The following ARID1B variants were observed in gnomAD, a reference collection of about 807,000 sequenced individuals.
ARID1B encodes AT-rich interaction domain 1B.
In ARID1B, 30 loss-of-function variants were observed where a neutral mutation model predicts 212.3. That is an observed-to-expected ratio of 0.14 (90% CI 0.11 to 0.19). The LOEUF is 0.19. Ranked by LOEUF, ARID1B falls within the 10% of genes least tolerant of loss-of-function variation. The pLI is 1.00. For synonymous variants in ARID1B, 1,402 were observed against 1,301.7 expected (o/e 1.08, Z -1.66); for missense variants, 2,891 against 3,204.0 (o/e 0.90, Z 2.36).
rs746412839 is a variant in ARID1B, at chr6:157,200,726, G to A, written c.4501G>A (p.Gly1501Ser). The A allele has an allele frequency of 5.6e-6, 9 of 1,610,660 alleles. No homozygotes were observed. Among genetic ancestry groups the A allele is most frequent in the South Asian group, 2.2e-5 (2 of 90,708 alleles). ...QQPNYKRHMD[G>S]MYGPPAKRHE... is the part of the protein sequence containing the mutation. ...CCAGAATTACAAACGCCATATGGAC[G>A]GCATGTACGGGCCCCCAGCCAAGCG... The change falls in exon 18 of 20, where the codon GGC (glycine) becomes AGC (serine). Residue 1501 changes from glycine to serine, a missense_variant. Transcript: ENST00000636930. This position sits in a 1 kb window ranked among gnomAD's most constrained non-coding sequence, Gnocchi z 4.3.
At chr6:156,855,653 C>G (rs1267362254) in intron 2 of ARID1B, among the ~76,000 whole-genome samples, 1 of 152,018 alleles carries the variant, frequency 6.6e-6, no homozygotes, top group South Asian at 2.1e-4. Flanking sequence ...AATAATGAAA[C>G]CTTAAGTTCA....
intron 2 of ARID1B, among the ~76,000 whole-genome samples, chr6:156,836,886 A>G (rs1254755661): frequency 6.6e-6 from 1 of 151,466 alleles, no homozygotes; most frequent in Non-Finnish European, 1.5e-5. Context: ...GCTGGTTTTG[A>G]ACTTCAGGAC....
chr6:156,835,406 T>G (rs1488786683), intron 2 of ARID1B, among the ~76,000 whole-genome samples: 3 of 152,198 alleles, frequency 2.0e-5, no homozygotes, highest in Non-Finnish European at 4.4e-5. Flanking sequence ...TAAATAAAGA[T>G]TTTTAAATCT....
At chr6:157,028,788 G>A (rs1042460823) in intron 4 of ARID1B, among the ~76,000 whole-genome samples, 4 of 152,128 alleles carry the variant, frequency 2.6e-5, no homozygotes, top group South Asian at 2.1e-4. Flanking sequence ...TCTGAGTGCC[G>A]CTATTCTTCT....
rs1210635068 is a variant in ARID1B at position 156,778,811 on chromosome 6, G to C, written c.1131G>C (p.Gln377His). The C allele has an allele frequency of 6.7e-7, 1 of 1,485,826 alleles. No homozygotes were observed. Among genetic ancestry groups the C allele is most frequent in the African/African-American group, 1.5e-5 (1 of 67,806 alleles). The allele number at this position is 1,485,826 out of a possible 1,614,324, so 92.0% of individuals were successfully genotyped here. A position where few individuals can be genotyped will look rare whatever the true frequency, so the allele number is the denominator to read the frequency against. The change falls in exon 1 of 20, where the codon CAG (glutamine) becomes CAC (histidine). Residue 377 changes from glutamine to histidine, a missense_variant. This residue lies in a region of ARID1B where 1,643 missense variants were observed against 1,544.0 expected (regional missense o/e 1.06). Transcript: ENST00000636930. ...CCCACGAAGGGTACCCCAACAGCCA[G>C]TGCAACCATTATCCGGGCTACAGCC... ...QNSHEGYPNS[Q>H]CNHYPGYSRP...
chr6:156,954,466 T>G lies in ARID1B; in HGVS notation c.2247+18890T>G, dbSNP rs572303586. Among the ~76,000 whole-genome samples the G allele has an allele frequency of 6.7e-4, 102 of 152,316 alleles. 1 individual carries two copies. Among genetic ancestry groups the G allele is most frequent in the Non-Finnish European group, 5.6e-4 (38 of 68,018 alleles). On this transcript the variant is annotated intron_variant, in intron 4 of 19. Transcript: ENST00000636930. ...ATGATTTTTTTTTATCTGTGAGTAT[T>G]TTGTCTTTAGAATAAAGATGAATCT... is the stretch of plus-strand genomic sequence containing the variant.
chr6:157,006,192 A>G lies in ARID1B; in HGVS notation c.2247+70616A>G, dbSNP rs368640885. ...TAAGATCTAGAGACCATCTGGAACC[A>G]TCTCTGAGCTCTGTCATTGATGGGC... is the stretch of plus-strand genomic sequence containing the variant. On this transcript the variant is annotated intron_variant, in intron 4 of 19. Transcript: ENST00000636930. Among the ~76,000 whole-genome samples, 6 of 152,330 alleles carry G rather than the reference A, an allele frequency of 3.9e-5. No individual in the cohort carries two copies. In the South Asian group the frequency reaches 1.2e-3, roughly 32 times the overall value.
intron 2 of ARID1B, among the ~76,000 whole-genome samples, chr6:156,889,853 C>T (rs773176511): frequency 1.3e-5 from 2 of 152,064 alleles, no homozygotes; most frequent in Non-Finnish European, 2.9e-5. Context: ...AATTGACTTG[C>T]GTTGGTTGAC....
intron 5 of ARID1B, among the ~76,000 whole-genome samples, chr6:157,098,129 G>A (rs1032354781): frequency 6.6e-6 from 1 of 152,152 alleles, no homozygotes; most frequent in Non-Finnish European, 1.5e-5. Context: ...GGTGAGAGAA[G>A]GGAAAAATTA....
At chr6:156,876,105 T>C (rs1425221780) in intron 2 of ARID1B, among the ~76,000 whole-genome samples, 1 of 152,238 alleles carries the variant, frequency 6.6e-6, no homozygotes, top group African/African-American at 2.4e-5. Flanking sequence ...TATCTCTGGA[T>C]GATAGTGTTG....
At chr6:156,918,032 AT>A (rs1414369228) in intron 3 of ARID1B, among the ~76,000 whole-genome samples, 5 of 152,218 alleles carry the variant, frequency 3.3e-5, no homozygotes, top group African/African-American at 1.2e-4. Flanking sequence ...ATAGGTTTCA[AT>A]TTTTTAACAT....
intron 8 of ARID1B, among the ~76,000 whole-genome samples, chr6:157,153,269 A>C (rs1370983781): frequency 3.3e-5 from 5 of 152,160 alleles, no homozygotes; most frequent in African/African-American, 1.2e-4. Flanking sequence ...TTACAATAGA[A>C]TCTGGTGAAT....
chr6:156,957,648 T>C (rs910419088), intron 4 of ARID1B, among the ~76,000 whole-genome samples: 2 of 152,234 alleles, frequency 1.3e-5, no homozygotes, highest in African/African-American at 4.8e-5. Flanking sequence ...TGTCTGTTGA[T>C]ATTTAAAATA....
chr6:156,876,337 G>T (rs183375219), intron 2 of ARID1B, among the ~76,000 whole-genome samples: 1 of 152,266 alleles, frequency 6.6e-6, no homozygotes, highest in East Asian at 1.9e-4. Flanking sequence ...GTGGATTTTA[G>T]GTTGAGTCCT....
chr6:157,186,590 T>C (rs1319626103), intron 13 of ARID1B: 1 of 461,156 alleles, frequency 2.2e-6, no homozygotes. Context: ...ACATTTTTGT[T>C]GTTAAAGGAA....
chr6:156,910,274 T>C (rs1044150887), intron 3 of ARID1B, among the ~76,000 whole-genome samples: 5 of 152,342 alleles, frequency 3.3e-5, no homozygotes, highest in East Asian at 1.9e-4. Context: ...ACCCTGGTGA[T>C]GGTTAGCTTG....
In ARID1B at chr6:157,010,249, C is replaced by CT. The variant is rs1779492192; in HGVS notation, c.2248-74412dup. Reference sequence around the variant, plus strand: ...GATCAGTAAAATTCTAGGCTTCTGTCTAATTTTGTTAACATTTATGCATTG... The same window carrying CT: ...GATCAGTAAAATTCTAGGCTTCTGTCTTAATTTTGTTAACATTTATGCATTG... On this transcript the variant is annotated intron_variant, in intron 4 of 19. Transcript: ENST00000636930. 3.1e-5 allele frequency among the ~76,000 whole-genome samples: 4 copies of CT among 129,650 alleles called. No individual in the cohort carries two copies. In the South Asian group the frequency reaches 1.0e-3, roughly 32 times the overall value. 85.1% of individuals were successfully genotyped at this position (129,650 alleles called of 152,430 possible).
intron 4 of ARID1B, among the ~76,000 whole-genome samples, chr6:156,953,574 A>G (rs185057710): frequency 1.3e-5 from 2 of 152,302 alleles, no homozygotes; most frequent in East Asian, 1.9e-4. Context: ...TCTGTCTCCT[A>G]GTATGTTTGA....
intron 1 of ARID1B, among the ~76,000 whole-genome samples, chr6:156,801,532 C>T (rs953501127): frequency 2.0e-5 from 3 of 152,026 alleles, no homozygotes; most frequent in African/African-American, 7.2e-5. Flanking sequence ...TTTGATAGTA[C>T]AAATGTATTG....
Sources: gnomAD v4.1 joint callset for allele counts (sites outside exome capture counted in the v4.1 genomes callset) on GRCh38, gnomAD v4.1.1 for gene constraint, gnomAD v4.1.1 regional missense constraint, Gnocchi (gnomAD v3.1) non-coding constraint, MANE v1.5 for transcripts, NCBI Gene and HGNC (gene_info 2026-07-23, HGNC 2026-07-21) for gene names.